ARHGEF12: variants seen among roughly 807,000 people sequenced by gnomAD.
The protein encoded by ARHGEF12 is KMT2A/ARHGEF12 fusion protein.
ARHGEF12 carries 66 observed loss-of-function variants against 211.2 expected under a neutral mutation model. The ratio of observed to expected loss-of-function variants is 0.31; its 90% CI spans 0.26 to 0.38. ARHGEF12 has a LOEUF of 0.38. Among genes scored for constraint, ARHGEF12 ranks in the 10% least tolerant of loss-of-function variants. The probability of loss-of-function intolerance (pLI) is 1.00; values close to 1 mark genes in which losing one functional copy is unlikely to be tolerated. For synonymous variants in ARHGEF12, 592 were observed against 638.4 expected (o/e 0.93, Z 1.09); for missense variants, 1,429 against 1,869.5 (o/e 0.76, Z 4.34).
chr11:120,439,886 A>G, intron 12 of ARHGEF12: 1 of 451,206 alleles, frequency 2.2e-6, no homozygotes, highest in Non-Finnish European at 3.9e-6. Context: ...TACTGTTTCC[A>G]AGGGGAGTGG....
At chr11:120,354,520 T>C (rs1368097574) in intron 1 of ARHGEF12, among the ~76,000 whole-genome samples, 1 of 152,236 alleles carries the variant, frequency 6.6e-6, no homozygotes, top group Non-Finnish European at 1.5e-5. Flanking sequence ...TCTCTGAAAT[T>C]CTGTGACATG....
intron 36 of ARHGEF12, chr11:120,477,730 G>A: frequency 2.0e-6 from 1 of 491,628 alleles, no homozygotes; most frequent in Non-Finnish European, 3.5e-6. Flanking sequence ...GCCGGGCATG[G>A]TGGTAGGTGC....
At position 120,484,548 on chromosome 11, in the gene ARHGEF12, C is replaced by G. The variant is rs748046025; in HGVS notation, c.4624+41C>G. 2.0e-6 allele frequency: 3 copies of G among 1,481,280 alleles called. No homozygotes were observed. The South Asian group carries it at 3.6e-5, about 18-fold the overall frequency. The allele number at this position is 1,481,280 out of a possible 1,614,324, so 91.8% of individuals were successfully genotyped here. A position where few individuals can be genotyped will look rare whatever the true frequency, so the allele number is the denominator to read the frequency against. On this transcript the variant is annotated intron_variant, in intron 40 of 40. Coordinates refer to ENST00000397843, the MANE Select transcript of ARHGEF12 (RefSeq NM_015313.3). ...GAGTTCCAGACTCTAGACTAATCAT[C>G]CTACACTGAATGAAATGACTTATCA... is the stretch of plus-strand genomic sequence containing the variant.
intron 1 of ARHGEF12, among the ~76,000 whole-genome samples, chr11:120,385,974 G>C (rs1382811335): frequency 6.6e-6 from 1 of 152,106 alleles, no homozygotes; most frequent in Admixed American, 6.5e-5. Context: ...ATATTACAGT[G>C]GGGGAAGGGA....
At chr11:120,477,698 C>T in intron 36 of ARHGEF12, 172 bp downstream of exon 36, 1 of 536,024 alleles carries the variant, frequency 1.9e-6, no homozygotes, top group East Asian at 3.1e-5. Context: ...AACCCTGTCT[C>T]TACTAAAAAA....
At chr11:120,475,547 T>C in intron 33 of ARHGEF12, 40 bp downstream of exon 33, 1 of 1,596,604 alleles carries the variant, frequency 6.3e-7, no homozygotes, top group Non-Finnish European at 8.6e-7. Context: ...TCCAGATTCA[T>C]TGTGAAGTTG....
intron 8 of ARHGEF12, 92 bp downstream of exon 8, chr11:120,428,339 C>CATT: frequency 9.2e-7 from 1 of 1,086,862 alleles, no homozygotes; most frequent in Non-Finnish European, 1.2e-6. Flanking sequence ...GGCTGATGAA[C>CATT]TAATTAAATT....
In ARHGEF12 at chr11:120,367,325, T is replaced by TA. The variant is rs200151305; in HGVS notation, c.32+30058dup. 1.2e-4 allele frequency among the ~76,000 whole-genome samples: 16 copies of TA among 131,296 alleles called. No homozygotes were observed. In the East Asian group the frequency reaches 2.7e-3, roughly 22 times the overall value. The allele number at this position is 131,296 out of a possible 152,430, so 86.1% of individuals were successfully genotyped here. ...TCTCTTGTTTAGATGCTTTTAATAA[T>TA]AAAAAAAATCTGTTAGGATACTTTT... On this transcript the variant is annotated intron_variant, in intron 1 of 40. Transcript: ENST00000397843.
intron 1 of ARHGEF12, among the ~76,000 whole-genome samples, chr11:120,405,479 T>C (rs575302563): frequency 5.3e-5 from 8 of 152,270 alleles, no homozygotes; most frequent in South Asian, 2.1e-4. Flanking sequence ...GTGCCCTTTG[T>C]TTTCTACTTT....
At chr11:120,372,412 G>A (rs148105296) in intron 1 of ARHGEF12, among the ~76,000 whole-genome samples, 7 of 152,076 alleles carry the variant, frequency 4.6e-5, no homozygotes, top group Non-Finnish European at 7.4e-5. Context: ...CCTCTGGATT[G>A]TAGTTATTTG....
Position 120,336,631 on chromosome 11 carries a change from G to GA in ARHGEF12, c.-612dup, listed in dbSNP as rs1434053335. 6.6e-6 allele frequency among the ~76,000 whole-genome samples: 1 copy of GA among 152,012 alleles called. No individual in the cohort carries two copies. Among genetic ancestry groups the GA allele is most frequent in the Non-Finnish European group, 1.5e-5 (1 of 67,960 alleles). On this transcript the variant is annotated 5_prime_UTR_variant, in exon 1 of 41. Transcript: ENST00000397843. ...GGGTCCCTGTCACCTCGGGCCGCGG[G>GA]ACCTCTCCGCCGGCGCCAGCGGCTC... is the stretch of plus-strand genomic sequence containing the variant.
intron 6 of ARHGEF12, among the ~76,000 whole-genome samples, chr11:120,423,604 T>A (rs981894707): frequency 1.3e-5 from 2 of 152,140 alleles, no homozygotes; most frequent in Non-Finnish European, 2.9e-5. Flanking sequence ...AGTTTTATTT[T>A]TTTTTTCCAG....
At chr11:120,431,941 C>T in intron 11 of ARHGEF12, 30 bp downstream of exon 11, 1 of 1,546,546 alleles carries the variant, frequency 6.5e-7, no homozygotes, top group Non-Finnish European at 8.7e-7. Context: ...AATCTTTTTT[C>T]TTCTGTATTC....
intron 27 of ARHGEF12, chr11:120,464,107 C>G (rs1378014759): frequency 1.3e-5 from 2 of 152,200 alleles, no homozygotes; most frequent in Non-Finnish European, 2.9e-5. Context: ...CAAGCCAGCT[C>G]CAGCTGCTGC....
intron 13 of ARHGEF12, among the ~76,000 whole-genome samples, 181 bp downstream of exon 13, chr11:120,440,402 G>C (rs1428691529): frequency 3.3e-5 from 5 of 152,188 alleles, no homozygotes; most frequent in Non-Finnish European, 5.9e-5. Flanking sequence ...AAATGACCTT[G>C]CTTTTAAAGC....
intron 1 of ARHGEF12, among the ~76,000 whole-genome samples, chr11:120,340,397 AT>A (rs1295405115): frequency 3.3e-5 from 5 of 152,224 alleles, no homozygotes; most frequent in African/African-American, 1.2e-4. Flanking sequence ...GCTAGGGCTT[AT>A]GAATTTTGTA....
At chr11:120,472,677 TG>T (rs1247234994) in intron 30 of ARHGEF12, among the ~76,000 whole-genome samples, 3 of 151,728 alleles carry the variant, frequency 2.0e-5, no homozygotes, top group Non-Finnish European at 4.4e-5. Flanking sequence ...TTTTTTGAGA[TG>T]GAGTCTTGCT....
At chr11:120,437,086 G>A (rs1364881863) in intron 11 of ARHGEF12, among the ~76,000 whole-genome samples, 2 of 152,102 alleles carry the variant, frequency 1.3e-5, no homozygotes, top group African/African-American at 4.8e-5. Flanking sequence ...AAATTGTTTT[G>A]TTGATTCTGT....
chr11:120,458,271 A>G, intron 25 of ARHGEF12, 37 bp downstream of exon 25: 1 of 1,608,628 alleles, frequency 6.2e-7, no homozygotes, highest in Non-Finnish European at 8.5e-7. Context: ...GTTTACAAAT[A>G]CTGAGTTTTG....
Sources: gnomAD v4.1 joint callset for allele counts (sites outside exome capture counted in the v4.1 genomes callset) on GRCh38, gnomAD v4.1.1 for gene constraint, MANE v1.5 for transcripts, NCBI Gene and HGNC (gene_info 2026-07-23, HGNC 2026-07-21) for gene names.